Variants in RS1 observed in about 807,000 individuals in gnomAD.
RS1 encodes the protein retinoschisin 1.
A neutral mutation model predicts 20.8 loss-of-function variants in RS1; 2 were observed. The observed-to-expected ratio is 0.10, with a 90% CI of 0.04 to 0.30. RS1 has a LOEUF of 0.30. Ranked by LOEUF, RS1 falls within the 10% of genes least tolerant of loss-of-function variation. The pLI, the probability that RS1 is intolerant of heterozygous loss-of-function variation, is 1.00. For missense variants in RS1, 151 were observed against 189.8 expected, an observed-to-expected ratio of 0.80 and a Z score of 1.20; for synonymous variants, 70 against 75.8, an observed-to-expected ratio of 0.92 and a Z score of 0.40.
At chrX:18,658,957 ACAAT>A (rs1314096163) in intron 1 of RS1, among the ~76,000 whole-genome samples, 1 of 111,889 alleles carries the variant, frequency 8.9e-6, no homozygotes, top group African/African-American at 3.2e-5. Flanking sequence ...ATATCAAACC[ACAAT>A]CAAAGTATAA....
intron 1 of RS1, among the ~76,000 whole-genome samples, chrX:18,669,486 T>TAAAAAAAAAAAAAAAAAAAAA (rs1314143681): frequency 5.3e-5 from 1 of 18,750 alleles, no homozygotes; most frequent in Non-Finnish European, 1.5e-4. Flanking sequence ...AGTGAAATTC[T>TAAAAAAAAAAAAAAAAAAAAA]CAAAAAAAAA....
intron 5 of RS1, among the ~76,000 whole-genome samples, chrX:18,643,178 G>A (rs1927646704): frequency 1.8e-5 from 2 of 111,551 alleles, no homozygotes. Flanking sequence ...GGTGTTTGAC[G>A]CCATTTCCAA....
intron 3 of RS1, among the ~76,000 whole-genome samples, chrX:18,648,958 G>C (rs1156812558): frequency 1.9e-5 from 2 of 107,547 alleles, no homozygotes; most frequent in Admixed American, 1.0e-4. Context: ...TGAGGGAGGA[G>C]GATTGCTTGA....
intron 3 of RS1, chrX:18,653,741 G>T: frequency 8.0e-6 from 4 of 498,861 alleles, no homozygotes; most frequent in Non-Finnish European, 1.3e-5. Context: ...GGCCGAGCAG[G>T]TGCATTGCCT....
chrX:18,655,253 A>G (rs1290085216), intron 3 of RS1, among the ~76,000 whole-genome samples: 2 of 112,179 alleles, frequency 1.8e-5, no homozygotes, highest in Non-Finnish European at 3.8e-5. Context: ...GCAGAGGTCA[A>G]CAAACTATGA....
chrX:18,645,737 G>A (rs763074313), intron 4 of RS1, among the ~76,000 whole-genome samples: 13 of 110,918 alleles, frequency 1.2e-4, no homozygotes, highest in Admixed American at 1.2e-3. Flanking sequence ...GATACTCTTC[G>A]ACTTAAAATA....
intron 3 of RS1, among the ~76,000 whole-genome samples, chrX:18,649,411 T>A (rs1311340801): frequency 9.0e-6 from 1 of 111,324 alleles, no homozygotes; most frequent in Non-Finnish European, 1.9e-5. Context: ...CATAGTATTT[T>A]CTCCAGAATT....
intron 1 of RS1, among the ~76,000 whole-genome samples, chrX:18,666,244 G>A (rs1928402756): frequency 8.9e-6 from 1 of 111,940 alleles, no homozygotes; most frequent in African/African-American, 3.3e-5. Context: ...GACTGCTGTG[G>A]AGAAAACACA....
intron 5 of RS1, among the ~76,000 whole-genome samples, chrX:18,643,830 A>T (rs1248999955): frequency 1.1e-5 from 1 of 94,146 alleles, no homozygotes; most frequent in Non-Finnish European, 2.0e-5. Flanking sequence ...TTCATAGCAA[A>T]TATATATATA....
intron 5 of RS1, among the ~76,000 whole-genome samples, chrX:18,643,347 G>A (rs1455607256): frequency 9.0e-6 from 1 of 111,071 alleles, no homozygotes; most frequent in African/African-American, 3.3e-5. Context: ...CCATGTTCTT[G>A]CCTTTCTCCG....
intron 1 of RS1, among the ~76,000 whole-genome samples, chrX:18,662,878 C>A (rs1449565672): frequency 4.5e-5 from 5 of 110,563 alleles, no homozygotes; most frequent in Non-Finnish European, 7.6e-5. Context: ...CCGCCCACCT[C>A]GGCCTCCCAA....
chrX:18,653,607 A>G, intron 3 of RS1: 3 of 1,134,637 alleles, frequency 2.6e-6, no homozygotes, highest in Non-Finnish European at 3.6e-6. Context: ...AGAACCAATT[A>G]ACACCAATGA....
intron 1 of RS1, among the ~76,000 whole-genome samples, chrX:18,658,255 A>C (rs753107433): frequency 2.7e-5 from 3 of 111,995 alleles, no homozygotes; most frequent in Non-Finnish European, 3.8e-5. Flanking sequence ...TGGACAGGGC[A>C]GGGAGAGGAA....
rs763162478 is a variant in RS1, at chrX:18,649,056, A to AAG, written c.185-1725_185-1724insCT. 3.5e-3 allele frequency among the ~76,000 whole-genome samples: 385 copies of AAG among 109,226 alleles called. 2 individuals carry two copies. The Middle Eastern group carries it at 0.052, about 15-fold the overall frequency. The allele number at this position is 109,226 out of a possible 115,157, so 94.8% of individuals were successfully genotyped here. A position where few individuals can be genotyped will look rare whatever the true frequency, so the allele number is the denominator to read the frequency against. On this transcript the variant is annotated intron_variant, in intron 3 of 5. Transcript: ENST00000379984. ...GACACTGTCTCAAAAAAAAAAAAAA[A>AAG]AAAGAAAACTACAGAGACCTTAGCC...
In RS1 at chrX:18,653,559, C is replaced by T. The variant is rs267608394; in HGVS notation, c.184+3094G>A. On this transcript the variant is annotated intron_variant, in intron 3 of 5. Coordinates refer to ENST00000379984, the MANE Select transcript of RS1 (RefSeq NM_000330.4). ...CGGGCAAGTGACTTCTGCAAGCCTG[C>T]GGCTGGTCCCAATGCCCTGAATCAC... 80 of 1,206,593 alleles carry T rather than the reference C, an allele frequency of 6.6e-5. No homozygotes were observed. Among genetic ancestry groups the T allele is most frequent in the Non-Finnish European group, 7.7e-5 (69 of 893,039 alleles).
intron 4 of RS1, among the ~76,000 whole-genome samples, chrX:18,646,744 C>G (rs1374690620): frequency 6.3e-5 from 7 of 111,031 alleles, no homozygotes; most frequent in African/African-American, 2.0e-4. Flanking sequence ...GGCTTTTGCA[C>G]CTGCTGTACC....
At chrX:18,663,317 C>T (rs1338210092) in intron 1 of RS1, among the ~76,000 whole-genome samples, 5 of 94,504 alleles carry the variant, frequency 5.3e-5, no homozygotes, top group Admixed American at 2.5e-4. Context: ...GGATTACAGG[C>T]GTGAGCCACT....
Position 18,656,852 on chromosome X carries a change from G to A in RS1, c.79-94C>T, listed in dbSNP as rs754490742. 3.8e-4 allele frequency: 259 copies of A among 680,537 alleles called. 2 individuals carry two copies. In the African/African-American group the frequency reaches 5.0e-3, roughly 13 times the overall value. The allele number at this position is 680,537 out of a possible 1,213,427, so 56.1% of individuals were successfully genotyped here. On this transcript the variant is annotated intron_variant, in intron 2 of 5. Transcript: ENST00000379984. ...TGATCACACTCAGTCCTTATGCATC[G>A]TCTATAGCAGCTTTGCTACAATGGC...
At chrX:18,651,281 G>C (rs1363145117) in intron 3 of RS1, among the ~76,000 whole-genome samples, 1 of 108,595 alleles carries the variant, frequency 9.2e-6, no homozygotes, top group Admixed American at 1.0e-4. Context: ...GAGAGAGAGA[G>C]AGAGAGACAG....
Sources: gnomAD v4.1 joint callset for allele counts (sites outside exome capture counted in the v4.1 genomes callset) on GRCh38, gnomAD v4.1.1 for gene constraint, MANE v1.5 for transcripts, NCBI Gene and HGNC (gene_info 2026-07-23, HGNC 2026-07-21) for gene names.